TNIP3: variants seen among roughly 807,000 people sequenced by gnomAD.
TNIP3 encodes TNFAIP3 interacting protein 3.
TNIP3 carries 34 observed loss-of-function variants against 54.1 expected under a neutral mutation model. The observed-to-expected ratio is 0.63, with a 90% CI of 0.48 to 0.84. TNIP3 has a LOEUF of 0.84. TNIP3 is among the 40% of genes least tolerant of loss of function. The pLI is 0.00. For synonymous variants in TNIP3, 134 were observed against 136.8 expected (o/e 0.98, Z 0.14); for missense variants, 366 against 387.6 (o/e 0.94, Z 0.47).
intron 7 of TNIP3, 32 bp from the exon 8 acceptor site, chr4:121,142,808 A>C (rs1037610023): frequency 7.6e-6 from 12 of 1,588,998 alleles, no homozygotes; most frequent in Non-Finnish European, 9.5e-6. Flanking sequence ...TTGTTAATCA[A>C]GACAAGTTAA....
intron 9 of TNIP3, among the ~76,000 whole-genome samples, chr4:121,139,367 A>G (rs1728976877): frequency 6.6e-6 from 1 of 152,200 alleles, no homozygotes; most frequent in African/African-American, 2.4e-5. Flanking sequence ...GTAAACCCAT[A>G]GGCCTGAATC....
At chr4:121,161,252 G>T (rs745494391) in intron 1 of TNIP3, 36 bp from the exon 2 acceptor site, 2 of 1,516,888 alleles carry the variant, frequency 1.3e-6, no homozygotes, top group African/African-American at 1.4e-5. Context: ...TTGAAACAAA[G>T]CTGTTTACAA....
chr4:121,180,921 C>G (rs554655994), intron 3 of TNIP3, among the ~76,000 whole-genome samples: 1 of 152,324 alleles, frequency 6.6e-6, no homozygotes, highest in South Asian at 2.1e-4. Flanking sequence ...CTGTAGATGT[C>G]TTTACCTCAT....
At chr4:121,142,280 C>A (rs190511418) in intron 8 of TNIP3, among the ~76,000 whole-genome samples, 6 of 152,080 alleles carry the variant, frequency 3.9e-5, no homozygotes, top group South Asian at 4.2e-4. Flanking sequence ...AAACTAAAAT[C>A]CAGAAAGGAA....
intron 3 of TNIP3, among the ~76,000 whole-genome samples, chr4:121,170,869 G>T (rs1431885818): frequency 6.6e-6 from 1 of 152,150 alleles, no homozygotes; most frequent in East Asian, 1.9e-4. Flanking sequence ...AAGCTGGAGT[G>T]CAGTAGCATG....
chr4:121,181,624 GGTGTGTGT>G (rs3028475), intron 3 of TNIP3, among the ~76,000 whole-genome samples: 18,857 of 148,604 alleles, frequency 0.13, 2,800 homozygotes, highest in African/African-American at 0.37. Flanking sequence ...TAATAAGACA[GGTGTGTGT>G]GTGTGTGTGT....
intron 2 of TNIP3, among the ~76,000 whole-genome samples, chr4:121,195,920 T>A (rs1292786582): frequency 6.6e-6 from 1 of 152,216 alleles, no homozygotes; most frequent in Non-Finnish European, 1.5e-5. Context: ...GCTAAATAAA[T>A]GACATTTACA....
intron 2 of TNIP3, among the ~76,000 whole-genome samples, chr4:121,199,946 G>T (rs757434191): frequency 3.9e-5 from 6 of 152,114 alleles, no homozygotes; most frequent in Non-Finnish European, 7.4e-5. Context: ...GGCTGCATAT[G>T]CCCAGAAGAA....
intron 5 of TNIP3, among the ~76,000 whole-genome samples, chr4:121,153,696 A>G (rs753429611): frequency 6.6e-6 from 1 of 152,190 alleles, no homozygotes; most frequent in Non-Finnish European, 1.5e-5. Flanking sequence ...TAATACTTTG[A>G]GGATCTTTAA....
chr4:121,135,094 A>G (rs1274309651), intron 10 of TNIP3, among the ~76,000 whole-genome samples: 1 of 152,246 alleles, frequency 6.6e-6, no homozygotes, highest in East Asian at 1.9e-4. Flanking sequence ...GGTCCCAGGC[A>G]GGAGGCCAGG....
At chr4:121,222,972 A>G (rs888437793) in intron 1 of TNIP3, among the ~76,000 whole-genome samples, 3 of 151,744 alleles carry the variant, frequency 2.0e-5, no homozygotes, top group Admixed American at 6.6e-5. Flanking sequence ...CGCCCGCCTA[A>G]TTTTTAGTAT....
chr4:121,179,766 T>C (rs1286318931), intron 3 of TNIP3, among the ~76,000 whole-genome samples: 1 of 151,810 alleles, frequency 6.6e-6, no homozygotes, highest in African/African-American at 2.4e-5. Context: ...GTTTGGATGA[T>C]TGGGTGCCTA....
At chr4:121,213,554 A>G (rs1473059140) in intron 2 of TNIP3, among the ~76,000 whole-genome samples, 2 of 151,906 alleles carry the variant, frequency 1.3e-5, no homozygotes, top group African/African-American at 4.8e-5. Flanking sequence ...GTGAAACACC[A>G]TCTCTACTAA....
intron 2 of TNIP3, among the ~76,000 whole-genome samples, chr4:121,189,814 T>C (rs951596080): frequency 2.0e-5 from 3 of 152,228 alleles, no homozygotes; most frequent in African/African-American, 7.2e-5. Context: ...ATGTTTCTTA[T>C]AAACCTGGGC....
chr4:121,218,236 A>AC (rs1301162486), upstream of TNIP3, among the ~76,000 whole-genome samples: 1 of 152,180 alleles, frequency 6.6e-6, no homozygotes, highest in South Asian at 2.1e-4. Context: ...GGTAGTAAAC[A>AC]CCCCAAAAAT....
intron 5 of TNIP3, among the ~76,000 whole-genome samples, chr4:121,152,191 G>GATTC (rs996546694): frequency 6.6e-6 from 1 of 152,144 alleles, no homozygotes; most frequent in African/African-American, 2.4e-5. Context: ...GTAGGCCCTG[G>GATTC]ATTCCATGCT....
intron 1 of TNIP3, among the ~76,000 whole-genome samples, chr4:121,226,450 A>T (rs1056289177): frequency 6.6e-6 from 1 of 152,226 alleles, no homozygotes; most frequent in African/African-American, 2.4e-5. Flanking sequence ...CTTTTTGCTC[A>T]TTAGGTTAAG....
At position 121,185,562 on chromosome 4, in the gene TNIP3, AGTAG is replaced by A. The variant is rs200264364; in HGVS notation, c.69-2770_69-2767del. ...TTCACTGCTCAGTCTCTTAGCACAC[AGTAG>A]GACATCAATAAGGATTTGTTATTGA... is the stretch of plus-strand genomic sequence containing the variant. On this transcript the variant is annotated intron_variant, in intron 2 of 12. Transcript: ENST00000507879. Among the ~76,000 whole-genome samples the A allele has an allele frequency of 8.1e-3, 1,240 of 152,362 alleles. 20 individuals carry two copies. Among genetic ancestry groups the A allele is most frequent in the African/African-American group, 0.028 (1,179 of 41,586 alleles).
intron 2 of TNIP3, among the ~76,000 whole-genome samples, chr4:121,214,096 A>G (rs1726646907): frequency 6.6e-6 from 1 of 152,182 alleles, no homozygotes; most frequent in South Asian, 2.1e-4. Context: ...TTCAGGAGTG[A>G]TAGAGGGAAA....
Sources: gnomAD v4.1 joint callset for allele counts (sites outside exome capture counted in the v4.1 genomes callset) on GRCh38, gnomAD v4.1.1 for gene constraint, MANE v1.5 for transcripts, NCBI Gene and HGNC (gene_info 2026-07-23, HGNC 2026-07-21) for gene names.